PRPF18: variants seen among roughly 807,000 people sequenced by gnomAD.
PRPF18 encodes pre-mRNA-splicing factor 18.
A neutral mutation model predicts 46.5 loss-of-function variants in PRPF18; 38 were observed. The ratio of observed to expected loss-of-function variants is 0.82; its 90% CI spans 0.63 to 1.07. The LOEUF (loss-of-function observed/expected upper bound fraction) is 1.07, where lower values mean the gene tolerates loss of function less well. PRPF18 is among the 50% of genes least tolerant of loss of function. PRPF18 has a pLI of 0.00. For missense variants in PRPF18, 263 were observed against 410.0 expected (o/e 0.64, Z 3.10); for synonymous variants, 152 against 146.7 (o/e 1.04, Z -0.26).
chr10:13,631,408 C>G (rs1316940757), downstream of PRPF18: 1 of 152,258 alleles, frequency 6.6e-6, no homozygotes, highest in Admixed American at 6.5e-5. Flanking sequence ...CTTCACATCT[C>G]AGCTCTGCAC....
downstream of PRPF18, chr10:13,632,427 A>G (rs962246005): frequency 6.6e-6 from 1 of 152,208 alleles, no homozygotes. Context: ...TATGACAGCA[A>G]TCTAGATTTT....
chr10:13,594,465 A>G (rs10796098), intron 1 of PRPF18, among the ~76,000 whole-genome samples: 35,770 of 152,112 alleles, frequency 0.24, 4,608 homozygotes, highest in East Asian at 0.55. Flanking sequence ...ATCAGTTGCA[A>G]TGTGGATTCT....
intron 1 of PRPF18, among the ~76,000 whole-genome samples, chr10:13,593,739 G>A (rs2133190230): frequency 6.6e-6 from 1 of 152,296 alleles, no homozygotes; most frequent in South Asian, 2.1e-4. Flanking sequence ...ACTGTGAAAT[G>A]AAAGGACCAA....
At chr10:13,652,950 G>A in the PRPF18 span, 1 of 151,900 alleles carries the variant, frequency 6.6e-6, no homozygotes, top group Non-Finnish European at 1.5e-5. Flanking sequence ...GAAAGACAGG[G>A]TTTGGGGTCA....
At position 13,610,031 on chromosome 10, in the gene PRPF18, T is replaced by G; in HGVS notation, c.364-8T>G. 1 of 1,586,580 alleles carries G rather than the reference T, an allele frequency of 6.3e-7. No homozygotes were observed. The highest frequency in any genetic ancestry group is 8.6e-7 in the Non-Finnish European group (1 of 1,161,290). On this transcript the variant is annotated splice_polypyrimidine_tract_variant and splice_region_variant and intron_variant, in intron 4 of 9. Coordinates refer to ENST00000378572, the MANE Select transcript of PRPF18 (RefSeq NM_003675.4). ...AACAGGTGTTCTTCCTTTTTTTGCT[T>G]TTCTTAGGGATTGAGGAATGATTTG...
intron 2 of PRPF18, among the ~76,000 whole-genome samples, chr10:13,598,035 T>C (rs979308625): frequency 6.6e-6 from 1 of 152,204 alleles, no homozygotes; most frequent in African/African-American, 2.4e-5. Context: ...TAAGAACCTC[T>C]GCCTAAAGTA....
chr10:13,594,642 A>T (rs573804705), intron 1 of PRPF18, among the ~76,000 whole-genome samples: 1 of 152,356 alleles, frequency 6.6e-6, no homozygotes, highest in Non-Finnish European at 1.5e-5. Flanking sequence ...AGATAATATT[A>T]AAAAATCTCA....
rs547975426 is a variant in PRPF18 at position 13,623,104 on chromosome 10, G to A, written c.948+6551G>A. Among the ~76,000 whole-genome samples the A allele has an allele frequency of 4.9e-3, 749 of 152,272 alleles. 1 individual carries two copies. Among genetic ancestry groups the A allele is most frequent in the Admixed American group, 7.6e-3 (116 of 15,288 alleles). On this transcript the variant is annotated intron_variant, in intron 9 of 9. Transcript: ENST00000378572. ...TAGTCCCAGCTACTCGGGAGGCTGAGGCAGGAGAATGGCATGAACCCTGGA... is the reference window on the plus strand; with the variant it reads ...TAGTCCCAGCTACTCGGGAGGCTGAAGCAGGAGAATGGCATGAACCCTGGA...
At chr10:13,640,131 C>T in the PRPF18 span, 1 of 152,192 alleles carries the variant, frequency 6.6e-6, no homozygotes, top group Non-Finnish European at 1.5e-5. Context: ...GAGTGGTGTC[C>T]ACGCCTGAGA....
chr10:13,629,908 G>C (rs997662422), intron 9 of PRPF18, among the ~76,000 whole-genome samples: 5 of 152,218 alleles, frequency 3.3e-5, no homozygotes, highest in Non-Finnish European at 7.3e-5. Flanking sequence ...ATTGGAACCT[G>C]GTTGAGACTG....
chr10:13,597,384 A>T, intron 1 of PRPF18, 74 bp from the exon 2 acceptor site: 1 of 983,718 alleles, frequency 1.0e-6, no homozygotes, highest in Non-Finnish European at 1.5e-6. Context: ...AGTTTTCTAA[A>T]GGTATTTGTT....
chr10:13,588,326 G>C (rs1247594563), intron 1 of PRPF18, among the ~76,000 whole-genome samples: 5 of 151,790 alleles, frequency 3.3e-5, no homozygotes, highest in Non-Finnish European at 7.4e-5. Flanking sequence ...AGAATCACTT[G>C]AACCCGGGAG....
chr10:13,654,863 C>A, the PRPF18 span: 1 of 311,376 alleles, frequency 3.2e-6, no homozygotes, highest in South Asian at 7.0e-5. Flanking sequence ...TCTGATGTCC[C>A]CATAGTCCTT....
intron 1 of PRPF18, among the ~76,000 whole-genome samples, chr10:13,597,217 A>C (rs950799381): frequency 2.0e-5 from 3 of 152,206 alleles, no homozygotes; most frequent in African/African-American, 4.8e-5. Flanking sequence ...TTGCCTACTG[A>C]TTGATACTGC....
At chr10:13,603,052 A>G (rs2080135308) in intron 3 of PRPF18, among the ~76,000 whole-genome samples, 1 of 152,234 alleles carries the variant, frequency 6.6e-6, no homozygotes, top group Non-Finnish European at 1.5e-5. Context: ...TTTATCTTTA[A>G]ACATTGAAAA....
intron 9 of PRPF18, among the ~76,000 whole-genome samples, chr10:13,626,214 A>G (rs2080502629): frequency 6.6e-6 from 1 of 152,166 alleles, no homozygotes; most frequent in African/African-American, 2.4e-5. Context: ...AGCTGCAGGG[A>G]TGTCATGCTC....
At chr10:13,647,791 A>C in the PRPF18 span, 1 of 150,574 alleles carries the variant, frequency 6.6e-6, no homozygotes, top group Non-Finnish European at 1.5e-5. Context: ...GGGTAGAAGT[A>C]ATTCTTAAAT....
At chr10:13,654,416 C>A in the PRPF18 span, 1 of 1,591,030 alleles carries the variant, frequency 6.3e-7, no homozygotes, top group Non-Finnish European at 8.6e-7. Context: ...GAGAACTCAC[C>A]CAGTCTGCCA....
At chr10:13,604,691 A>G (rs936126121) in intron 3 of PRPF18, among the ~76,000 whole-genome samples, 7 of 152,224 alleles carry the variant, frequency 4.6e-5, no homozygotes, top group African/African-American at 7.2e-5. Flanking sequence ...GATTGGTCCT[A>G]TCGAAGCAGT....
Sources: gnomAD v4.1 joint callset for allele counts (sites outside exome capture counted in the v4.1 genomes callset) on GRCh38, gnomAD v4.1.1 for gene constraint, MANE v1.5 for transcripts, NCBI Gene and HGNC (gene_info 2026-07-23, HGNC 2026-07-21) for gene names.